Variants in IPO4 observed in about 807,000 individuals in gnomAD.
IPO4 encodes the protein importin 4, also known as importin-4.
A neutral mutation model predicts 133.5 loss-of-function variants in IPO4; 91 were observed. That is an observed-to-expected ratio of 0.68 (90% confidence interval 0.58 to 0.81). IPO4 has a LOEUF of 0.81. Among genes scored for constraint, IPO4 ranks in the 30% least tolerant of loss-of-function variants. IPO4 has a pLI of 0.00. For missense variants in IPO4, 1,279 were observed against 1,386.2 expected (o/e 0.92, Z 1.23); for synonymous variants, 607 against 581.6 (o/e 1.04, Z -0.63).
intron 24 of IPO4, 89 bp from the exon 25 acceptor site, chr14:24,182,492 C>T: frequency 6.6e-7 from 1 of 1,526,582 alleles, no homozygotes; most frequent in South Asian, 1.2e-5. Flanking sequence ...CTGCAGGGGT[C>T]CCTGGGGCTG....
chr14:24,186,303 T>C lies in IPO4; in HGVS notation c.989A>G (p.Lys330Arg), dbSNP rs745964018. The change falls in exon 10 of 30, where the codon AAG becomes AGG. Residue 330 changes from lysine (K) to arginine (R), a missense_variant. Transcript: ENST00000354464. ...ACATCTCACTTGTACAGCGAAATGC[T>C]TGGGAGTCTCCCCCATCAGCTCAAT... ...LEIELMGETP[K>R]HFAVQVVDML... is the part of the protein sequence containing the mutation. 10 of 1,608,092 alleles carry C rather than the reference T, an allele frequency of 6.2e-6. No individual in the cohort carries two copies. Among genetic ancestry groups the C allele is most frequent in the Non-Finnish European group, 8.5e-6 (10 of 1,176,260 alleles).
rs1430191971 is a variant in IPO4, at chr14:24,181,579, C to G, written c.2979G>C (p.Glu993Asp). The change falls in exon 28 of 30, where the codon GAG (glutamate) becomes GAC (aspartate). Residue 993 changes from glutamate to aspartate, a missense_variant. This residue lies in a region of IPO4 where 575 missense variants were observed against 653.4 expected (regional missense o/e 0.88). Transcript: ENST00000354464. Reference protein sequence around the residue: ...AALLHALPLKEDLEEWVTIGR... With the variant: ...AALLHALPLKDDLEEWVTIGR... ...CAATGGTGACCCACTCCTCCAAGTCCTCCTTCAGTGGCAGGGCATGCAGTA... is the reference window on the plus strand; with the variant it reads ...CAATGGTGACCCACTCCTCCAAGTCGTCCTTCAGTGGCAGGGCATGCAGTA... 1 of 1,612,740 alleles carries G rather than the reference C, an allele frequency of 6.2e-7. No homozygotes were observed. The highest frequency in any genetic ancestry group is 8.5e-7 in the Non-Finnish European group (1 of 1,179,420).
intron 4 of IPO4, 44 bp from the exon 5 acceptor site, chr14:24,187,840 C>T (rs1192128428): frequency 6.2e-7 from 1 of 1,609,494 alleles, no homozygotes. Context: ...TCAATACCTT[C>T]CTCTGCACAC....
chr14:24,182,689 G>A (rs2039159474), intron 24 of IPO4, 103 bp downstream of exon 24: 1 of 1,302,620 alleles, frequency 7.7e-7, no homozygotes, highest in African/African-American at 1.5e-5. Flanking sequence ...GTCTCTTTTA[G>A]TGGCCCTGGC....
At position 24,180,765 on chromosome 14, in the gene IPO4, G is replaced by C. The variant is rs745844201; in HGVS notation, c.3046-7C>G. Reference sequence around the variant, plus strand: ...CGGGAGCCACATCTATAACCTGTGAGGAAAGAGTGGCTGACTCAGGGCAGC... The same window carrying C: ...CGGGAGCCACATCTATAACCTGTGACGAAAGAGTGGCTGACTCAGGGCAGC... On this transcript the variant is annotated splice_region_variant and splice_polypyrimidine_tract_variant and intron_variant, in intron 28 of 29. Coordinates refer to ENST00000354464, the MANE Select transcript of IPO4 (RefSeq NM_024658.4). 1.2e-6 allele frequency: 2 copies of C among 1,613,238 alleles called. No individual in the cohort carries two copies. Among genetic ancestry groups the C allele is most frequent in the Admixed American group, 3.3e-5 (2 of 59,980 alleles).
chr14:24,185,757 G>C, intron 12 of IPO4, 104 bp downstream of exon 12: 2 of 1,016,886 alleles, frequency 2.0e-6, no homozygotes, highest in Non-Finnish European at 1.5e-6. Context: ...TTTGATAATG[G>C]GGGGAAACGC....
In IPO4 at chr14:24,187,127, G is replaced by A; in HGVS notation, c.612C>T (p.Pro204=). The change falls in exon 7 of 30, where the codon CCC becomes CCT. Residue 204 remains proline (P), a synonymous_variant. Coordinates refer to ENST00000354464, the MANE Select transcript of IPO4 (RefSeq NM_024658.4). Reference sequence around the variant, plus strand: ...GAGTCTGCATGGCCATGATCAGCTTGGGCACCAACATCCGAGCGAGAGGCT... The same window carrying A: ...GAGTCTGCATGGCCATGATCAGCTTAGGCACCAACATCCGAGCGAGAGGCT... The part of the protein sequence containing the change: ...EDVPLARMLV[P]KLIMAMQTLI... 6.2e-7 allele frequency: 1 copy of A among 1,613,884 alleles called. No homozygotes were observed.
chr14:24,186,468 G>A lies in IPO4; in HGVS notation c.841-17C>T, dbSNP rs372287638. 13 of 1,557,688 alleles carry A rather than the reference G, an allele frequency of 8.3e-6. No individual in the cohort carries two copies. In the African/African-American group the frequency reaches 1.4e-4, roughly 16 times the overall value. ...CAGTAAGGCCTTGACAGAGAAGGTG[G>A]AACAGTGTCCCTAAGAATCTGCTCC... On this transcript the variant is annotated splice_polypyrimidine_tract_variant and intron_variant, in intron 9 of 29. Coordinates refer to ENST00000354464, the MANE Select transcript of IPO4 (RefSeq NM_024658.4).
rs774431176 is a variant in IPO4, at chr14:24,182,063, A to G, written c.2699T>C (p.Leu900Pro). 8.1e-6 allele frequency: 13 copies of G among 1,613,758 alleles called. No homozygotes were observed. Among genetic ancestry groups the G allele is most frequent in the Non-Finnish European group, 1.1e-5 (13 of 1,180,034 alleles). The change falls in exon 26 of 30, where the codon CTG (leucine) becomes CCG (proline). Residue 900 changes from leucine to proline, a missense_variant. Transcript: ENST00000354464. The part of the protein sequence containing the change: ...GAASAQFVSR[L>P]LPVLLSTAQE... Reference sequence around the variant, plus strand: ...GGCGGTGCTCAACAGCACAGGGAGCAGCCGAGACACAAACTGGGCTGAGGC... The same window carrying G: ...GGCGGTGCTCAACAGCACAGGGAGCGGCCGAGACACAAACTGGGCTGAGGC...
In IPO4 at chr14:24,183,849, T is replaced by A; in HGVS notation, c.1919A>T (p.Asp640Val). 6.2e-7 allele frequency: 1 copy of A among 1,614,080 alleles called. No individual in the cohort carries two copies. Residue 640 changes from aspartate (D) to valine (V), a missense_variant, in exon 19 of 30, where the codon GAT (aspartate) becomes GTT (valine). By Grantham distance (152) the Asp-to-Val change is radical. Around this residue, in one of 3 missense-constraint regions of IPO4, gnomAD observed 575 missense variants for 653.4 expected, o/e 0.88. Coordinates refer to ENST00000354464, the MANE Select transcript of IPO4 (RefSeq NM_024658.4). The part of the protein sequence containing the change: ...SSFLLFDDES[D>V]GEEEEELMDE... The stretch of plus-strand genomic sequence containing the variant: ...CATGAGCTCCTCCTCTTCTTCCCCA[T>A]CACTCTCATCGTCAAACAGAAGGAA...
rs202202964 is a variant in IPO4, at chr14:24,185,940, C to T, written c.1090G>A (p.Glu364Lys). The change falls in exon 12 of 30, where the codon GAG becomes AAG. Residue 364 changes from glutamate (E) to lysine (K), a missense_variant. By Grantham distance (56) the Glu-to-Lys change is moderately conservative. Around this residue, in one of 3 missense-constraint regions of IPO4, gnomAD observed 695 missense variants for 704.1 expected, o/e 0.99. Transcript: ENST00000354464. ...CCAGCTTTGCGCTGGTATGGGCTCT[C>T]GCTCCGCAAAGCCTCTTCCAACATG... ...MPMLEEALRS[E>K]SPYQRKAGLL... The T allele has an allele frequency of 8.7e-6, 14 of 1,613,970 alleles. No homozygotes were observed. The African/African-American group carries it at 9.3e-5, about 11-fold the overall frequency.
chr14:24,181,435 G>T (rs890284402), intron 28 of IPO4, 78 bp downstream of exon 28: 26 of 1,229,148 alleles, frequency 2.1e-5, no homozygotes, highest in Non-Finnish European at 2.9e-5. Context: ...TGGAGCTCCC[G>T]AGCCTCATCA....
At chr14:24,182,220 TGGTGGG>T in intron 25 of IPO4, 52 bp downstream of exon 25, 1 of 1,613,632 alleles carries the variant, frequency 6.2e-7, no homozygotes, top group Non-Finnish European at 8.5e-7. Context: ...ATAAAGGCTG[TGGTGGG>T]CACCGGGTGC....
intron 2 of IPO4, 57 bp from the exon 3 acceptor site, chr14:24,188,480 C>T: frequency 6.2e-7 from 1 of 1,608,162 alleles, no homozygotes; most frequent in Non-Finnish European, 8.5e-7. Context: ...GAGCGGACCG[C>T]AGTGGGCGAA....
chr14:24,183,769 G>T lies in IPO4; in HGVS notation c.1985+14C>A, dbSNP rs192425614. On this transcript the variant is annotated intron_variant, in intron 19 of 29. Coordinates refer to ENST00000354464, the MANE Select transcript of IPO4 (RefSeq NM_024658.4). ...AAAGTCTAGATTCCTGATCAGAAGA[G>T]CACCCCTCCGCACCCTGAGATCTCT... 2.1e-5 allele frequency: 34 copies of T among 1,614,160 alleles called. No individual in the cohort carries two copies. The highest frequency in any genetic ancestry group is 2.8e-5 in the Non-Finnish European group (33 of 1,180,036).
At chr14:24,184,223 G>A in intron 17 of IPO4, 75 bp downstream of exon 17, 3 of 1,553,880 alleles carry the variant, frequency 1.9e-6, no homozygotes, top group Non-Finnish European at 2.6e-6. Context: ...AGTCTGGGGT[G>A]GGGATTCCAG....
chr14:24,181,996 C>G lies in IPO4; in HGVS notation c.2766G>C (p.Gly922=), dbSNP rs765063285. ...CCCCATGCTCTGCCAGCACGCCCAT[C>G]CCGAAGATGGCATTGCTTCGCACCT... The part of the protein sequence containing the change: ...DPEVRSNAIF[G]MGVLAEHGGH... The change falls in exon 26 of 30, where the codon GGG becomes GGC. Residue 922 remains glycine (G), a synonymous_variant. Transcript: ENST00000354464. The G allele has an allele frequency of 1.2e-6, 2 of 1,612,780 alleles. No homozygotes were observed. The highest frequency in any genetic ancestry group is 2.2e-5 in the South Asian group (2 of 91,088).
chr14:24,187,420 A>G lies in IPO4; in HGVS notation c.568T>C (p.Tyr190His). Reference protein sequence around the residue: ...SLRTLTTMAPYLSTEDVPLAR... With the variant: ...SLRTLTTMAPHLSTEDVPLAR... ...CTCACCACATCTTCAGTGCTGAGGT[A>G]GGGAGCCATGGTGGTCAGAGTGCGC... Residue 190 changes from tyrosine (Y) to histidine (H), a missense_variant, in exon 6 of 30, where the codon TAC (tyrosine) becomes CAC (histidine). Tyr to His is a moderately conservative substitution (Grantham distance 83). Coordinates refer to ENST00000354464, the MANE Select transcript of IPO4 (RefSeq NM_024658.4). 6.2e-7 allele frequency: 1 copy of G among 1,614,148 alleles called. No individual in the cohort carries two copies. The highest frequency in any genetic ancestry group is 8.5e-7 in the Non-Finnish European group (1 of 1,179,996).
rs530458051 is a variant in IPO4, at chr14:24,184,112, G to C, written c.1758-3C>G. 1 of 1,610,926 alleles carries C rather than the reference G, an allele frequency of 6.2e-7. No individual in the cohort carries two copies. Among genetic ancestry groups the C allele is most frequent in the Non-Finnish European group, 8.5e-7 (1 of 1,178,924 alleles). On this transcript the variant is annotated splice_region_variant and splice_polypyrimidine_tract_variant and intron_variant, in intron 17 of 29. Transcript: ENST00000354464. ...ATAAGGCTGCAAATAGGCTGTACCT[G>C]GTCAAAGCAGGCAGAAGAAGCTGTA...
Sources: gnomAD v4.1 joint callset for allele counts on GRCh38, gnomAD v4.1.1 for gene constraint, gnomAD v4.1.1 regional missense constraint, MANE v1.5 for transcripts, NCBI Gene and HGNC (gene_info 2026-07-23, HGNC 2026-07-21) for gene names.